Variants in BCKDHB observed in about 807,000 individuals in gnomAD.
BCKDHB encodes 2-oxoisovalerate dehydrogenase subunit beta, mitochondrial.
BCKDHB carries 41 observed loss-of-function variants against 48.5 expected under a neutral mutation model. The observed-to-expected ratio is 0.85, with a 90% CI of 0.66 to 1.10. The LOEUF is 1.10. Among genes scored for constraint, BCKDHB ranks in the 50% least tolerant of loss-of-function variants. The pLI, the probability that BCKDHB is intolerant of heterozygous loss-of-function variation, is 0.00. For synonymous variants in BCKDHB, 201 were observed against 174.8 expected, an observed-to-expected ratio of 1.15 and a Z score of -1.18; for missense variants, 496 against 494.2, an observed-to-expected ratio of 1.00 and a Z score of -0.03.
intron 8 of BCKDHB, among the ~76,000 whole-genome samples, chr6:80,258,535 G>C (rs1468092184): frequency 6.6e-6 from 1 of 152,254 alleles, no homozygotes; most frequent in African/African-American, 2.4e-5. Context: ...GATGCATTGG[G>C]ATTAAAGGTA....
At chr6:80,134,939 A>C (rs1177575940) in intron 3 of BCKDHB, among the ~76,000 whole-genome samples, 4 of 151,822 alleles carry the variant, frequency 2.6e-5, no homozygotes, top group Admixed American at 1.3e-4. Context: ...TTTAGTAGAG[A>C]TGGGGTTTCA....
At chr6:80,112,877 T>C (rs1436501000) in intron 1 of BCKDHB, among the ~76,000 whole-genome samples, 1 of 152,216 alleles carries the variant, frequency 6.6e-6, no homozygotes, top group Non-Finnish European at 1.5e-5. Flanking sequence ...GAAATTTGTT[T>C]TGTCCCTGGA....
At chr6:80,421,444 A>T in the BCKDHB span, among the ~76,000 whole-genome samples, 1 of 152,210 alleles carries the variant, frequency 6.6e-6, no homozygotes, top group Non-Finnish European at 1.5e-5. Flanking sequence ...TAACCTGAAA[A>T]GGTGGAAGCA....
At chr6:80,127,754 G>T in intron 2 of BCKDHB, 130 bp downstream of exon 2, 2 of 888,992 alleles carry the variant, frequency 2.2e-6, no homozygotes, top group South Asian at 1.3e-5. Flanking sequence ...TATGATTGGG[G>T]CTAAATAATC....
the BCKDHB span, among the ~76,000 whole-genome samples, chr6:80,360,190 A>G: frequency 6.6e-6 from 1 of 152,188 alleles, no homozygotes; most frequent in Non-Finnish European, 1.5e-5. Context: ...CTGAAACTAA[A>G]CTAATGGTTA....
chr6:80,433,479 G>A, the BCKDHB span, among the ~76,000 whole-genome samples: 3 of 152,116 alleles, frequency 2.0e-5, no homozygotes, highest in African/African-American at 7.2e-5. Context: ...CCGCCTACTC[G>A]AGCCTCATCA....
the BCKDHB span, chr6:80,463,032 G>T: frequency 1.3e-5 from 2 of 152,128 alleles, no homozygotes; most frequent in Non-Finnish European, 2.9e-5. Context: ...AGAGTGCTTG[G>T]AATGACACCC....
chr6:80,123,792 T>C lies in BCKDHB; in HGVS notation c.197-3755T>C, dbSNP rs571519848. ...TTTGATTCTTCTCTGTTTTCTTCTT[T>C]ATTAATCTTTCTAGTGGTCTATCAA... is the stretch of plus-strand genomic sequence containing the variant. On this transcript the variant is annotated intron_variant, in intron 1 of 9. Transcript: ENST00000320393. Among the ~76,000 whole-genome samples the C allele has an allele frequency of 4.6e-5, 7 of 152,340 alleles. No individual in the cohort carries two copies. In the South Asian group the frequency reaches 1.4e-3, roughly 32 times the overall value.
At chr6:80,190,198 G>A (rs1170448087) in intron 6 of BCKDHB, among the ~76,000 whole-genome samples, 1 of 152,134 alleles carries the variant, frequency 6.6e-6, no homozygotes, top group Non-Finnish European at 1.5e-5. Context: ...CTGGGAGTCT[G>A]TGAGAGAATT....
intron 8 of BCKDHB, among the ~76,000 whole-genome samples, chr6:80,216,451 A>G (rs1188555347): frequency 6.6e-6 from 1 of 151,908 alleles, no homozygotes; most frequent in Non-Finnish European, 1.5e-5. Context: ...TTCATTTAGC[A>G]TTTTTTTTCC....
chr6:80,368,466 C>T, the BCKDHB span, among the ~76,000 whole-genome samples: 1 of 152,114 alleles, frequency 6.6e-6, no homozygotes, highest in South Asian at 2.1e-4. Context: ...TATTTCTTTT[C>T]AAAATTATTC....
the BCKDHB span, among the ~76,000 whole-genome samples, chr6:80,388,587 A>G: frequency 2.0e-5 from 3 of 152,168 alleles, no homozygotes; most frequent in East Asian, 1.9e-4. Context: ...CAAGTAGTAT[A>G]TACGTGGCTG....
chr6:80,155,682 G>T (rs2127759470), intron 3 of BCKDHB, among the ~76,000 whole-genome samples: 1 of 151,994 alleles, frequency 6.6e-6, no homozygotes, highest in East Asian at 1.9e-4. Context: ...TTTACTTAAA[G>T]AACACGTTTT....
Position 80,120,034 on chromosome 6 carries a change from C to T in BCKDHB, c.197-7513C>T, listed in dbSNP as rs567703342. Among the ~76,000 whole-genome samples, 465 of 152,146 alleles carry T rather than the reference C, an allele frequency of 3.1e-3. 4 individuals carry two copies. Among genetic ancestry groups the T allele is most frequent in the African/African-American group, 0.011 (449 of 41,508 alleles). ...CCAGCTTCCCAATCCCCGACAGGCC[C>T]TGGTGTGTGATGTTCCCCGCCCTGT... On this transcript the variant is annotated intron_variant, in intron 1 of 9. Coordinates refer to ENST00000320393, the MANE Select transcript of BCKDHB (RefSeq NM_183050.4).
At chr6:80,415,613 G>T in the BCKDHB span, among the ~76,000 whole-genome samples, 2 of 152,142 alleles carry the variant, frequency 1.3e-5, no homozygotes, top group African/African-American at 4.8e-5. Flanking sequence ...GCATCCCAGG[G>T]ATAAAGCCTA....
chr6:80,346,473 C>T (rs1379668829), downstream of BCKDHB, among the ~76,000 whole-genome samples: 1 of 152,166 alleles, frequency 6.6e-6, no homozygotes, highest in Non-Finnish European at 1.5e-5. Context: ...TGTTTCCCCT[C>T]ATTCTTCCCT....
intron 8 of BCKDHB, among the ~76,000 whole-genome samples, chr6:80,242,786 C>T (rs1776441965): frequency 6.6e-6 from 1 of 152,098 alleles, no homozygotes; most frequent in African/African-American, 2.4e-5. Flanking sequence ...TGACTAACAT[C>T]TTTGCTACAT....
chr6:80,209,266 A>T (rs1176748095), intron 8 of BCKDHB, among the ~76,000 whole-genome samples: 1 of 151,860 alleles, frequency 6.6e-6, no homozygotes, highest in African/African-American at 2.4e-5. Flanking sequence ...CTAGGGAAAA[A>T]TTTCGTGATA....
chr6:80,420,777 TG>T, the BCKDHB span, among the ~76,000 whole-genome samples: 2 of 152,232 alleles, frequency 1.3e-5, no homozygotes, highest in East Asian at 3.8e-4. Flanking sequence ...CTCAGTGTTC[TG>T]GGTGGGATGA....
Sources: gnomAD v4.1 joint callset for allele counts (sites outside exome capture counted in the v4.1 genomes callset) on GRCh38, gnomAD v4.1.1 for gene constraint, MANE v1.5 for transcripts, NCBI Gene and HGNC (gene_info 2026-07-23, HGNC 2026-07-21) for gene names.